PKM: variants seen among roughly 807,000 people sequenced by gnomAD.
PKM encodes pyruvate kinase M1/2.
A neutral mutation model predicts 49.8 loss-of-function variants in PKM; 18 were observed. The ratio of observed to expected loss-of-function variants is 0.36; its 90% CI spans 0.25 to 0.54. The LOEUF is 0.54. Among genes scored for constraint, PKM ranks in the 20% least tolerant of loss-of-function variants. The pLI is 0.89. For synonymous variants in PKM, 239 were observed against 261.8 expected (o/e 0.91, Z 0.84); for missense variants, 508 against 713.8 (o/e 0.71, Z 3.28).
chr15:72,203,398 G>T, intron 8 of PKM: 1 of 587,430 alleles, frequency 1.7e-6, no homozygotes, highest in Non-Finnish European at 3.0e-6. Flanking sequence ...CTCCAATACA[G>T]GGGAAATTGG....
At chr15:72,225,677 G>T (rs1288526093) in intron 1 of PKM, among the ~76,000 whole-genome samples, 1 of 152,206 alleles carries the variant, frequency 6.6e-6, no homozygotes, top group Non-Finnish European at 1.5e-5. Flanking sequence ...TCCATCCAGT[G>T]GGTATATGGA....
chr15:72,199,216 C>T lies in PKM; in HGVS notation c.*434G>A. 2 of 360,074 alleles carry T rather than the reference C, an allele frequency of 5.6e-6. No homozygotes were observed. The highest frequency in any genetic ancestry group is 2.1e-5 in the South Asian group (1 of 47,308). The allele number at this position is 360,074 out of a possible 1,614,324, so 22.3% of individuals were successfully genotyped here. ...CTAGAGAAGCAAGTAAGGGCCAGGG[C>T]CAGAGTCGGCTTCAATGGAACAACA... is the stretch of plus-strand genomic sequence containing the variant. On this transcript the variant is annotated 3_prime_UTR_variant, in exon 11 of 11. Transcript: ENST00000335181.
intron 1 of PKM, chr15:72,229,811 G>A: frequency 8.3e-6 from 5 of 599,690 alleles, no homozygotes; most frequent in Non-Finnish European, 1.1e-5. Flanking sequence ...CAGTGAACGC[G>A]ACAGATTTCC....
intron 1 of PKM, among the ~76,000 whole-genome samples, chr15:72,225,137 C>T (rs1394350004): frequency 2.7e-5 from 4 of 148,060 alleles, no homozygotes; most frequent in Admixed American, 6.8e-5. Context: ...GGGGTTTCAC[C>T]GTGTTAGCCA....
At chr15:72,215,658 C>T (rs1163794047) in intron 3 of PKM, among the ~76,000 whole-genome samples, 2 of 152,154 alleles carry the variant, frequency 1.3e-5, no homozygotes, top group African/African-American at 2.4e-5. Context: ...AGGTATCACT[C>T]GCCCTTGCCA....
intron 1 of PKM, among the ~76,000 whole-genome samples, chr15:72,225,088 A>ATTTTTTTT (rs59687887): frequency 1.0e-4 from 12 of 116,630 alleles, no homozygotes; most frequent in African/African-American, 1.6e-4. Context: ...GGCCCGGCTA[A>ATTTTTTTT]TTTTTTTTTT....
Position 72,203,244 on chromosome 15 carries a change from G to C in PKM, c.1141-624C>G, listed in dbSNP as rs184167700. On this transcript the variant is annotated intron_variant, in intron 8 of 10. Transcript: ENST00000335181. ...AAGAGGGAAGGAGGAGGAAAAAAACGAGACACAACACATGGGAAGACAGAA... is the reference window on the plus strand; with the variant it reads ...AAGAGGGAAGGAGGAGGAAAAAAACCAGACACAACACATGGGAAGACAGAA... 6.0e-4 allele frequency: 872 copies of C among 1,444,008 alleles called. 4 individuals are homozygous for C. The South Asian group carries it at 7.4e-3, about 12-fold the overall frequency. The allele number at this position is 1,444,008 out of a possible 1,614,324, so 89.4% of individuals were successfully genotyped here.
At chr15:72,221,314 GTAACTAAAGC>G in intron 1 of PKM, 1 of 1,359,698 alleles carries the variant, frequency 7.4e-7, no homozygotes, top group South Asian at 1.3e-5. Context: ...AAAGCTGAGT[GTAACTAAAGC>G]TCTTTGGGGT....
At chr15:72,228,646 T>TC (rs34029406) in intron 1 of PKM, 1 of 1,284,420 alleles carries the variant, frequency 7.8e-7, no homozygotes, top group Non-Finnish European at 1.0e-6. Context: ...AGAGCCCCAC[T>TC]CCCCCACAGA....
intron 1 of PKM, among the ~76,000 whole-genome samples, chr15:72,227,778 A>C (rs1171848243): frequency 7.8e-6 from 1 of 128,788 alleles, no homozygotes; most frequent in African/African-American, 2.7e-5. Context: ...AAAAAAACAA[A>C]AAACTGAAGC....
At position 72,202,707 on chromosome 15, in the gene PKM, T is replaced by C; in HGVS notation, c.1141-87A>G. ...CACAAAAGGAGAGGGAGGGGAAGAG[T>C]CACCGGACAGCTGGTGAGGAACATG... On this transcript the variant is annotated intron_variant, in intron 8 of 10. Coordinates refer to ENST00000335181, the MANE Select transcript of PKM (RefSeq NM_002654.6). The surrounding 1 kb of genome is among the most constrained non-coding windows in gnomAD (Gnocchi z 4.5). 8.6e-7 allele frequency: 1 copy of C among 1,165,374 alleles called. No individual in the cohort carries two copies. The highest frequency in any genetic ancestry group is 1.3e-6 in the Non-Finnish European group (1 of 798,270). The allele number at this position is 1,165,374 out of a possible 1,614,324, so 72.2% of individuals were successfully genotyped here.
At chr15:72,213,775 C>T (rs112704726) in intron 3 of PKM, among the ~76,000 whole-genome samples, 1 of 152,206 alleles carries the variant, frequency 6.6e-6, no homozygotes, top group African/African-American at 2.4e-5. Flanking sequence ...TTCATATTTT[C>T]TATCTTTTGG....
chr15:72,219,187 C>A (rs889553531), intron 1 of PKM, 77 bp from the exon 2 acceptor site: 42 of 1,326,498 alleles, frequency 3.2e-5, no homozygotes, highest in Non-Finnish European at 4.3e-5. Context: ...AAGGCTGTCT[C>A]CTGCTTACAC....
chr15:72,231,437 GA>G (rs2082870855), upstream of PKM: 1 of 152,582 alleles, frequency 6.6e-6, no homozygotes, highest in Non-Finnish European at 1.5e-5. Context: ...TAAGAAACCT[GA>G]TGACCAATGG....
chr15:72,205,613 T>C (rs1217741712), intron 8 of PKM, among the ~76,000 whole-genome samples: 1 of 144,392 alleles, frequency 6.9e-6, no homozygotes. Flanking sequence ...CCAGACCAGA[T>C]GGGTGTTTTA....
chr15:72,212,550 G>A (rs2082280898), intron 3 of PKM, among the ~76,000 whole-genome samples: 1 of 151,918 alleles, frequency 6.6e-6, no homozygotes, highest in Non-Finnish European at 1.5e-5. Flanking sequence ...CTTTCCTTCA[G>A]AGTTGACGTG....
chr15:72,223,498 G>A (rs1344073118), intron 1 of PKM, among the ~76,000 whole-genome samples: 1 of 152,084 alleles, frequency 6.6e-6, no homozygotes, highest in Non-Finnish European at 1.5e-5. Context: ...TCATGAAGGC[G>A]TTTCGATCCA....
rs542691084 is a variant in PKM, at chr15:72,214,287, C to T, written c.246+3122G>A. ...ACCATGAGTGTTTCATGCAAACATG[C>T]ATTTTTGGTCTTGGGGATGTAAAAC... On this transcript the variant is annotated intron_variant, in intron 3 of 10. Transcript: ENST00000335181. 3.3e-5 allele frequency among the ~76,000 whole-genome samples: 5 copies of T among 152,242 alleles called. No individual in the cohort carries two copies. In the South Asian group the frequency reaches 1.0e-3, roughly 32 times the overall value.
chr15:72,230,475 G>A (rs1272399252), intron 1 of PKM, among the ~76,000 whole-genome samples: 2 of 152,204 alleles, frequency 1.3e-5, no homozygotes, highest in Non-Finnish European at 2.9e-5. Flanking sequence ...GAGCAGAGAG[G>A]GAGGGAGGGA....
Sources: allele counts gnomAD v4.1 joint callset (sites outside exome capture counted in the v4.1 genomes callset), GRCh38; gene constraint gnomAD v4.1.1; non-coding constraint Gnocchi (gnomAD v3.1); transcripts MANE v1.5; gene names NCBI Gene and HGNC (gene_info 2026-07-23, HGNC 2026-07-21).